PDCD6IP: variants seen among roughly 807,000 people sequenced by gnomAD.
The protein encoded by PDCD6IP is programmed cell death 6 interacting protein.
A neutral mutation model predicts 103.7 loss-of-function variants in PDCD6IP; 43 were observed. The observed-to-expected ratio is 0.41, with a 90% CI of 0.32 to 0.53. PDCD6IP has a LOEUF of 0.53. PDCD6IP is among the 20% of genes least tolerant of loss of function. The pLI, the probability that PDCD6IP is intolerant of heterozygous loss-of-function variation, is 0.16. For missense variants in PDCD6IP, 871 were observed against 1,036.7 expected, an observed-to-expected ratio of 0.84 and a Z score of 2.20; for synonymous variants, 354 against 378.7, an observed-to-expected ratio of 0.93 and a Z score of 0.76.
intron 4 of PDCD6IP, among the ~76,000 whole-genome samples, chr3:33,823,325 G>T (rs1697037345): frequency 6.6e-6 from 1 of 152,158 alleles, no homozygotes; most frequent in African/African-American, 2.4e-5. Context: ...TTTATGTTTA[G>T]GGAAGAGGTG....
intron 4 of PDCD6IP, 90 bp from the exon 5 acceptor site, chr3:33,825,097 G>C (rs959332428): frequency 2.6e-5 from 28 of 1,089,896 alleles, no homozygotes; most frequent in Middle Eastern, 2.1e-4. Flanking sequence ...ACTGTTCACT[G>C]AGTTAACATT....
intron 5 of PDCD6IP, among the ~76,000 whole-genome samples, chr3:33,825,774 A>C (rs1435095432): frequency 6.6e-6 from 1 of 152,198 alleles, no homozygotes; most frequent in African/African-American, 2.4e-5. Context: ...AATTGCTATA[A>C]GATTTCAGAA....
intron 12 of PDCD6IP, among the ~76,000 whole-genome samples, chr3:33,851,218 C>G (rs529983403): frequency 6.6e-6 from 1 of 151,526 alleles, no homozygotes; most frequent in South Asian, 2.1e-4. Flanking sequence ...AGACAGGGCT[C>G]GTGATGTCCT....
chr3:33,835,883 C>A (rs1017135310), intron 7 of PDCD6IP, among the ~76,000 whole-genome samples, 161 bp from the exon 8 acceptor site: 1 of 152,002 alleles, frequency 6.6e-6, no homozygotes, highest in African/African-American at 2.4e-5. Context: ...ATTTTGTGAT[C>A]GGAGAATTTC....
At chr3:33,841,433 CTTTTTTTTTT>C (rs1301369045) in intron 9 of PDCD6IP, among the ~76,000 whole-genome samples, 3 of 60,954 alleles carry the variant, frequency 4.9e-5, no homozygotes, top group East Asian at 5.1e-4. Context: ...CTTTGCTTTG[CTTTTTTTTTT>C]TTTTTTTTTT....
intron 1 of PDCD6IP, chr3:33,799,144 C>T: frequency 3.4e-6 from 2 of 595,578 alleles, no homozygotes; most frequent in South Asian, 2.1e-5. Context: ...GTCCTGCCTG[C>T]ACGTCTGCTC....
At chr3:33,846,872 A>C (rs1463656138) in intron 12 of PDCD6IP, among the ~76,000 whole-genome samples, 1 of 152,206 alleles carries the variant, frequency 6.6e-6, no homozygotes, top group Non-Finnish European at 1.5e-5. Context: ...ATAAAGAGAC[A>C]AAAAACTGCT....
Position 33,868,902 on chromosome 3 carries a change from T to C in PDCD6IP, c.*2377T>C, listed in dbSNP as rs2125458132. ...TTATCAGTCTGGTATAAAGTATTGA[T>C]CTAAGAGAACTCTCCCTGTGCCCCT... On this transcript the variant is annotated 3_prime_UTR_variant, in exon 18 of 18. Transcript: ENST00000307296. 6.6e-6 allele frequency: 1 copy of C among 152,310 alleles called. No homozygotes were observed. The highest frequency in any genetic ancestry group is 6.5e-5 in the Admixed American group (1 of 15,304). The allele number at this position is 152,310 out of a possible 1,614,324, so 9.4% of individuals were successfully genotyped here. A position where few individuals can be genotyped will look rare whatever the true frequency, so the allele number is the denominator to read the frequency against.
chr3:33,855,340 G>C (rs762305911), intron 15 of PDCD6IP, 80 bp downstream of exon 15: 1 of 820,744 alleles, frequency 1.2e-6, no homozygotes, highest in Non-Finnish European at 2.0e-6. Context: ...GTATGAACTT[G>C]GTAGTATGAG....
In PDCD6IP at chr3:33,826,571, T is replaced by A. The variant is rs1697130050; in HGVS notation, c.708T>A (p.Thr236=). Residue 236 remains threonine, a synonymous_variant, in exon 6 of 18, where the codon ACT becomes ACA. Coordinates refer to ENST00000307296, the MANE Select transcript of PDCD6IP (RefSeq NM_013374.6). ...DAFKQCQYKD[T]LPKEVFPVLA... ...TCAAACAGTGTCAATACAAAGATAC[T>A]CTCCCCAAGGTCAGTTATTGTTTTT... 2 of 1,611,554 alleles carry A rather than the reference T, an allele frequency of 1.2e-6. No individual in the cohort carries two copies. The highest frequency in any genetic ancestry group is 1.7e-5 in the Admixed American group (1 of 59,958).
At chr3:33,853,642 A>G (rs1400464075) in intron 13 of PDCD6IP, among the ~76,000 whole-genome samples, 1 of 152,166 alleles carries the variant, frequency 6.6e-6, no homozygotes, top group Non-Finnish European at 1.5e-5. Context: ...GTTATATACT[A>G]ATAGAAATCT....
At chr3:33,865,569 T>G (rs899658543) in intron 17 of PDCD6IP, 139 bp downstream of exon 17, 1 of 611,040 alleles carries the variant, frequency 1.6e-6, no homozygotes, top group African/African-American at 2.0e-5. Context: ...TATCCAGAAA[T>G]GAAAATAATG....
intron 4 of PDCD6IP, among the ~76,000 whole-genome samples, chr3:33,824,255 CT>C (rs398062226): frequency 0.069 from 10,107 of 145,942 alleles, 328 homozygotes; most frequent in African/African-American, 0.097. Context: ...CTCATGACAC[CT>C]TTTTTTTTTT....
At chr3:33,800,576 C>T (rs932016689) in intron 1 of PDCD6IP, among the ~76,000 whole-genome samples, 5 of 152,172 alleles carry the variant, frequency 3.3e-5, no homozygotes, top group Non-Finnish European at 7.3e-5. Context: ...AGAGCTACAA[C>T]TGTTGGGCTG....
intron 12 of PDCD6IP, among the ~76,000 whole-genome samples, chr3:33,846,652 A>G (rs1265396877): frequency 6.6e-6 from 1 of 152,200 alleles, no homozygotes; most frequent in Admixed American, 6.5e-5. Context: ...GTAAACGTGT[A>G]GGATCGGAGA....
intron 9 of PDCD6IP, 114 bp from the exon 10 acceptor site, chr3:33,841,783 G>C (rs1697480636): frequency 2.7e-6 from 2 of 739,028 alleles, no homozygotes; most frequent in Non-Finnish European, 4.4e-6. Flanking sequence ...TTTTCTGGGT[G>C]CTAACTCCAT....
At chr3:33,829,194 A>G (rs1697193222) in intron 7 of PDCD6IP, among the ~76,000 whole-genome samples, 1 of 152,056 alleles carries the variant, frequency 6.6e-6, no homozygotes, top group Admixed American at 6.6e-5. Context: ...TTTTTTATCC[A>G]TGTTTATTTT....
intron 2 of PDCD6IP, 69 bp downstream of exon 2, chr3:33,812,195 T>A (rs886483418): frequency 2.8e-5 from 44 of 1,545,390 alleles, no homozygotes; most frequent in Non-Finnish European, 3.8e-5. Flanking sequence ...ATATCTTCAC[T>A]GTCTTTAGAG....
At chr3:33,814,272 C>T (rs1454793945) in intron 3 of PDCD6IP, among the ~76,000 whole-genome samples, 1 of 151,620 alleles carries the variant, frequency 6.6e-6, no homozygotes, top group African/African-American at 2.4e-5. Context: ...TCTACCTCAG[C>T]TGGGATTACA....
Sources: gnomAD v4.1 joint callset for allele counts (sites outside exome capture counted in the v4.1 genomes callset) on GRCh38, gnomAD v4.1.1 for gene constraint, MANE v1.5 for transcripts, NCBI Gene and HGNC (gene_info 2026-07-23, HGNC 2026-07-21) for gene names.